The following ZNF8 variants were observed in gnomAD, a reference collection of about 807,000 sequenced individuals.
The protein encoded by ZNF8 is zinc finger protein 272.
In ZNF8, 9 loss-of-function variants were observed where a neutral mutation model predicts 12.2. That is an observed-to-expected ratio of 0.73 (90% CI 0.44 to 1.28). The LOEUF is 1.28. Among genes scored for constraint, ZNF8 ranks in the 50% most tolerant of loss-of-function variants. The pLI, the probability that ZNF8 is intolerant of heterozygous loss-of-function variation, is 0.00. For synonymous variants in ZNF8, 274 were observed against 282.3 expected (o/e 0.97, Z 0.30); for missense variants, 664 against 729.1 (o/e 0.91, Z 1.03).
At chr19:58,285,475 G>A (rs1023216149) in intron 1 of ZNF8, among the ~76,000 whole-genome samples, 1 of 152,190 alleles carries the variant, frequency 6.6e-6, no homozygotes, top group Non-Finnish European at 1.5e-5. Flanking sequence ...TGTCTTGTTA[G>A]ATGTAGGTCA....
In ZNF8 at chr19:58,295,470, C is replaced by A; in HGVS notation, c.1662C>A (p.His554Gln). ...TCATGCAAGAGAAAAACCCTGTGCA[C>A]GTTATTGGGGTGGAAGAGCCTTCTG... Reference protein sequence around the residue: ...QKIMQEKNPVHVIGVEEPSVG... With the variant: ...QKIMQEKNPVQVIGVEEPSVG... The change falls in exon 4 of 4, where the codon CAC becomes CAA. Residue 554 changes from histidine to glutamine, a missense_variant. Physicochemically the swap from His to Gln is conservative, Grantham distance 24. Coordinates refer to ENST00000621650, the MANE Select transcript of ZNF8 (RefSeq NM_021089.3). 1 of 1,613,232 alleles carries A rather than the reference C, an allele frequency of 6.2e-7. No homozygotes were observed. The highest frequency in any genetic ancestry group is 8.5e-7 in the Non-Finnish European group (1 of 1,179,896).
chr19:58,285,961 G>GC, intron 2 of ZNF8, 118 bp downstream of exon 2: 1 of 1,461,550 alleles, frequency 6.8e-7, no homozygotes, highest in Non-Finnish European at 9.3e-7. Flanking sequence ...CATGAAGAGG[G>GC]AGGTCTGCCC....
chr19:58,286,315 C>CTAGGAGTA (rs1208256925), intron 3 of ZNF8, 110 bp downstream of exon 3: 1 of 846,074 alleles, frequency 1.2e-6, no homozygotes, highest in Non-Finnish European at 1.9e-6. Flanking sequence ...ACCCCATTCA[C>CTAGGAGTA]TAGGAGTATA....
Position 58,295,065 on chromosome 19 carries a change from C to T in ZNF8, c.1257C>T (p.His419=), listed in dbSNP as rs3745139. 192 of 1,614,094 alleles carry T rather than the reference C, an allele frequency of 1.2e-4. No homozygotes were observed. In the East Asian group the frequency reaches 3.7e-3, roughly 31 times the overall value. The change falls in exon 4 of 4, where the codon CAC becomes CAT. Residue 419 remains histidine, a synonymous_variant. Transcript: ENST00000621650. ...CCCTGGCCCAGCACCAGCGGAAGCACGCGGGGGAGAAGCCCTTTGAGTGCC... is the reference window on the plus strand; with the variant it reads ...CCCTGGCCCAGCACCAGCGGAAGCATGCGGGGGAGAAGCCCTTTGAGTGCC... The part of the protein sequence containing the change: ...SSSLAQHQRK[H]AGEKPFECRQ...
In ZNF8 at chr19:58,296,246, T is replaced by C. The variant is rs552013520; in HGVS notation, c.*710T>C. On this transcript the variant is annotated 3_prime_UTR_variant, in exon 4 of 4. Coordinates refer to ENST00000621650, the MANE Select transcript of ZNF8 (RefSeq NM_021089.3). Reference sequence around the variant, plus strand: ...GGGGGCAGTTCTGTTCCTCACCATCTTGGCAGCATGCATGGCTCCTGCCCA... The same window carrying C: ...GGGGGCAGTTCTGTTCCTCACCATCCTGGCAGCATGCATGGCTCCTGCCCA... The C allele has an allele frequency of 6.6e-6, 1 of 152,338 alleles. No individual in the cohort carries two copies. Among genetic ancestry groups the C allele is most frequent in the African/African-American group, 2.4e-5 (1 of 41,546 alleles). The allele number at this position is 152,338 out of a possible 1,614,324, so 9.4% of individuals were successfully genotyped here.
In ZNF8 at chr19:58,285,267, G is replaced by T. The variant is rs2051376154; in HGVS notation, c.67-450G>T. Among the ~76,000 whole-genome samples, 2 of 152,060 alleles carry T rather than the reference G, an allele frequency of 1.3e-5. 1 individual carries two copies. Among genetic ancestry groups the T allele is most frequent in the South Asian group, 4.2e-4 (2 of 4,814 alleles). ...GGGCTCAAGCGATTCTGCTGCCTCAGCTTCCCAAGTAGCTGGGATTACAGG... is the reference window on the plus strand; with the variant it reads ...GGGCTCAAGCGATTCTGCTGCCTCATCTTCCCAAGTAGCTGGGATTACAGG... On this transcript the variant is annotated intron_variant, in intron 1 of 3. Coordinates refer to ENST00000621650, the MANE Select transcript of ZNF8 (RefSeq NM_021089.3).
At chr19:58,289,845 G>A (rs2051406284) in intron 3 of ZNF8, among the ~76,000 whole-genome samples, 1 of 150,780 alleles carries the variant, frequency 6.6e-6, no homozygotes, top group South Asian at 2.1e-4. Context: ...TCACAAGGCT[G>A]GAGTGCAGTG....
At chr19:58,283,801 G>A (rs983956158) in intron 1 of ZNF8, among the ~76,000 whole-genome samples, 2 of 151,376 alleles carry the variant, frequency 1.3e-5, no homozygotes, top group African/African-American at 4.9e-5. Context: ...GGGTTTCATC[G>A]TGTTAGCCAG....
chr19:58,284,435 C>T (rs2051370198), intron 1 of ZNF8, among the ~76,000 whole-genome samples: 2 of 152,260 alleles, frequency 1.3e-5, no homozygotes, highest in South Asian at 2.1e-4. Flanking sequence ...TTCTTGGGGA[C>T]GAAGTGACTG....
intron 1 of ZNF8, chr19:58,279,704 C>A: frequency 5.9e-6 from 9 of 1,526,286 alleles, no homozygotes; most frequent in Non-Finnish European, 7.9e-6. Flanking sequence ...TCGTCCCCTG[C>A]GAGACTGTGG....
chr19:58,289,499 G>GAAA (rs34989877), intron 3 of ZNF8, among the ~76,000 whole-genome samples: 7 of 83,152 alleles, frequency 8.4e-5, no homozygotes, highest in Non-Finnish European at 1.1e-4. Context: ...CTGTCTCAAA[G>GAAA]AAAAAAAAAA....
At chr19:58,279,184 G>A in intron 1 of ZNF8, 37 bp downstream of exon 1, 1 of 1,544,212 alleles carries the variant, frequency 6.5e-7, no homozygotes, top group Non-Finnish European at 8.7e-7. Context: ...GGCGGGCTCC[G>A]GGCAAGCGTC....
intron 1 of ZNF8, among the ~76,000 whole-genome samples, chr19:58,284,945 A>G (rs1185857309): frequency 6.6e-6 from 1 of 152,144 alleles, no homozygotes; most frequent in African/African-American, 2.4e-5. Flanking sequence ...ATTTTCCCGT[A>G]ATCAGTGAGT....
Position 58,284,436 on chromosome 19 carries a change from G to A in ZNF8, c.67-1281G>A, listed in dbSNP as rs143860031. Among the ~76,000 whole-genome samples the A allele has an allele frequency of 7.4e-3, 1,126 of 152,308 alleles. 15 individuals carry two copies. Among genetic ancestry groups the A allele is most frequent in the African/African-American group, 0.026 (1,064 of 41,546 alleles). ...GGAAGCAAAGATGCTTCTTGGGGAC[G>A]AAGTGACTGAGCCAAGACTCTGATC... On this transcript the variant is annotated intron_variant, in intron 1 of 3. Coordinates refer to ENST00000621650, the MANE Select transcript of ZNF8 (RefSeq NM_021089.3).
chr19:58,280,005 GA>G, intron 1 of ZNF8: 3 of 519,552 alleles, frequency 5.8e-6, no homozygotes, highest in Non-Finnish European at 9.0e-6. Flanking sequence ...AAATTTGCAT[GA>G]AATGCTACCA....
chr19:58,281,207 A>G (rs905204541), intron 1 of ZNF8, among the ~76,000 whole-genome samples: 4 of 152,154 alleles, frequency 2.6e-5, no homozygotes, highest in African/African-American at 9.7e-5. Flanking sequence ...AAATCCACTT[A>G]TGCATTAGGG....
intron 1 of ZNF8, among the ~76,000 whole-genome samples, chr19:58,282,262 AT>A (rs1199501037): frequency 6.6e-6 from 1 of 152,068 alleles, no homozygotes; most frequent in Non-Finnish European, 1.5e-5. Flanking sequence ...CTTATTTGCC[AT>A]TTGTGTATCT....
At chr19:58,291,836 G>A (rs117512157) in intron 3 of ZNF8, among the ~76,000 whole-genome samples, 4,450 of 152,294 alleles carry the variant, frequency 0.029, 98 homozygotes, top group Non-Finnish European at 0.044. Context: ...GGGGATGAGG[G>A]TTCTTGGCAG....
Position 58,295,724 on chromosome 19 carries a change from G to T in ZNF8, c.*188G>T. ...TCTATCAAACTCAGTGCCCTCTTTA[G>T]CGACATATTTTGTGACATTCCTTCC... On this transcript the variant is annotated 3_prime_UTR_variant, in exon 4 of 4. Coordinates refer to ENST00000621650, the MANE Select transcript of ZNF8 (RefSeq NM_021089.3). 1.8e-6 allele frequency: 1 copy of T among 568,014 alleles called. No individual in the cohort carries two copies. The highest frequency in any genetic ancestry group is 3.1e-6 in the Non-Finnish European group (1 of 325,992). 35.2% of individuals were successfully genotyped at this position (568,014 alleles called of 1,614,324 possible).
Sources: allele counts gnomAD v4.1 joint callset (sites outside exome capture counted in the v4.1 genomes callset), GRCh38; gene constraint gnomAD v4.1.1; transcripts MANE v1.5; gene names NCBI Gene and HGNC (gene_info 2026-07-23, HGNC 2026-07-21).